PTPRN2: variants seen among roughly 807,000 people sequenced by gnomAD.
PTPRN2 encodes protein tyrosine phosphatase receptor type N2.
A neutral mutation model predicts 118.8 loss-of-function variants in PTPRN2; 74 were observed. The observed-to-expected ratio is 0.62, with a 90% CI of 0.52 to 0.76. The LOEUF is 0.76. Ranked by LOEUF, PTPRN2 falls within the 30% of genes least tolerant of loss-of-function variation. PTPRN2 has a pLI of 0.00. For missense variants in PTPRN2, 1,481 were observed against 1,394.4 expected (o/e 1.06, Z -0.99); for synonymous variants, 641 against 608.0 (o/e 1.05, Z -0.80).
intron 3 of PTPRN2, among the ~76,000 whole-genome samples, chr7:158,287,306 T>C (rs2151013879): frequency 6.6e-6 from 1 of 152,206 alleles, no homozygotes; most frequent in South Asian, 2.1e-4. Flanking sequence ...CTATTGTTTT[T>C]CTAGTTTCGA....
intron 6 of PTPRN2, among the ~76,000 whole-genome samples, chr7:158,144,254 C>T (rs1819668918): frequency 6.6e-6 from 1 of 152,158 alleles, no homozygotes; most frequent in Admixed American, 6.5e-5. Context: ...TCTGAGCCCC[C>T]CAAGGTTTAT....
At chr7:157,733,504 T>C (rs1191288321) in intron 12 of PTPRN2, among the ~76,000 whole-genome samples, 12 of 36,422 alleles carry the variant, frequency 3.3e-4, no homozygotes, top group East Asian at 6.4e-4. Context: ...TTCCGTCCCA[T>C]GCGCCCAGCA....
At chr7:158,203,550 G>A (rs1165820713) in intron 4 of PTPRN2, among the ~76,000 whole-genome samples, 6 of 151,912 alleles carry the variant, frequency 3.9e-5, no homozygotes, top group Admixed American at 6.6e-5. Context: ...TCTATGTGGC[G>A]CCCCTTTCCT....
intron 1 of PTPRN2, among the ~76,000 whole-genome samples, chr7:158,500,853 C>T (rs1267742934): frequency 1.3e-5 from 2 of 152,252 alleles, no homozygotes; most frequent in East Asian, 1.9e-4. Context: ...CTAATGCGTC[C>T]GGAGCAGGCC....
intron 5 of PTPRN2, among the ~76,000 whole-genome samples, chr7:158,176,015 C>T (rs1824170231): frequency 6.6e-6 from 1 of 151,944 alleles, no homozygotes; most frequent in East Asian, 1.9e-4. Context: ...TGCTCTCAGC[C>T]CGCCCTGCTC....
chr7:157,655,156 G>A (rs978826204), intron 14 of PTPRN2, among the ~76,000 whole-genome samples: 1 of 152,216 alleles, frequency 6.6e-6, no homozygotes, highest in African/African-American at 2.4e-5. Context: ...CCCAGGGAGT[G>A]ATGGGAAAAA....
intron 11 of PTPRN2, among the ~76,000 whole-genome samples, chr7:157,970,945 T>C (rs2128817595): frequency 6.6e-6 from 1 of 152,342 alleles, no homozygotes; most frequent in Admixed American, 6.5e-5. Context: ...TCCATCTGCC[T>C]GGCAAATCTG....
intron 11 of PTPRN2, among the ~76,000 whole-genome samples, chr7:157,982,197 C>CA (rs1422942274): frequency 8.4e-6 from 1 of 119,222 alleles, no homozygotes; most frequent in Non-Finnish European, 1.9e-5. Flanking sequence ...AGGGTCCCCC[C>CA]TAAACCCCGA....
At chr7:158,405,288 C>A (rs1037145156) in intron 2 of PTPRN2, among the ~76,000 whole-genome samples, 1 of 152,154 alleles carries the variant, frequency 6.6e-6, no homozygotes, top group Non-Finnish European at 1.5e-5. Flanking sequence ...AACACCTAGA[C>A]GAAGGTCAGG....
chr7:158,081,218 C>T, intron 11 of PTPRN2, 80 bp downstream of exon 11: 1 of 1,346,894 alleles, frequency 7.4e-7, no homozygotes, highest in Admixed American at 1.7e-5. Flanking sequence ...TCTGCCCTGG[C>T]TGTGCATGTG....
intron 12 of PTPRN2, among the ~76,000 whole-genome samples, chr7:157,753,710 G>A (rs111523209): frequency 0.024 from 3,513 of 143,608 alleles, 117 homozygotes; most frequent in African/African-American, 0.073. Context: ...CCTCCCCTCC[G>A]TTCTCTACCA....
chr7:158,319,470 A>AGCCTCCCT lies in PTPRN2; in HGVS notation c.164-2539_164-2538insAGGGAGGC, dbSNP rs1802663314. 4.8e-5 allele frequency among the ~76,000 whole-genome samples: 3 copies of AGCCTCCCT among 62,008 alleles called. 1 individual carries two copies. The highest frequency in any genetic ancestry group is 1.0e-3 in the East Asian group (2 of 1,990). The allele number at this position is 62,008 out of a possible 152,430, so 40.7% of individuals were successfully genotyped here. The stretch of plus-strand genomic sequence containing the variant: ...CACACACGCACACAGCCTCCCTCAC[A>AGCCTCCCT]CACAAGCACAGCCTCCCTCACACTC... On this transcript the variant is annotated intron_variant, in intron 2 of 22. Coordinates refer to ENST00000389418, the MANE Select transcript of PTPRN2 (RefSeq NM_002847.5).
chr7:157,788,793 G>A (rs1804245501), intron 12 of PTPRN2, among the ~76,000 whole-genome samples: 1 of 152,078 alleles, frequency 6.6e-6, no homozygotes, highest in African/African-American at 2.4e-5. Context: ...GGCTTCTGGG[G>A]CCAGCCCTCT....
In PTPRN2 at chr7:157,729,012, T is replaced by C. The variant is rs992121852; in HGVS notation, c.1789-46075A>G. ...GGGGAGTTTGGCTCACGTGATCCAG[T>C]CACACAGAGGTCGGTCGTTGTCTGG... On this transcript the variant is annotated intron_variant, in intron 12 of 22. Coordinates refer to ENST00000389418, the MANE Select transcript of PTPRN2 (RefSeq NM_002847.5). The surrounding 1 kb of genome is among the most constrained non-coding windows in gnomAD (Gnocchi z 4.3). Among the ~76,000 whole-genome samples the C allele has an allele frequency of 2.0e-5, 3 of 152,158 alleles. No individual in the cohort carries two copies. Among genetic ancestry groups the C allele is most frequent in the Non-Finnish European group, 4.4e-5 (3 of 68,008 alleles).
chr7:158,134,007 C>A lies in PTPRN2; in HGVS notation c.1226G>T (p.Arg409Leu). The change falls in exon 9 of 23, where the codon CGA (arginine) becomes CTA (leucine). Residue 409 changes from arginine (R) to leucine (L), a missense_variant. By Grantham distance (102) the Arg-to-Leu change is moderately radical. Transcript: ENST00000389418. The stretch of plus-strand genomic sequence containing the variant: ...AAAGGGGAGGGCTCCAGGTAAGAGT[C>A]GAGACCCGTGGTCCTGCAGGAGGCC... The part of the protein sequence containing the change: ...LGGLLQDHGS[R>L]LLPGALPFAR... The A allele has an allele frequency of 6.2e-7, 1 of 1,613,958 alleles. No individual in the cohort carries two copies. The highest frequency in any genetic ancestry group is 1.1e-5 in the South Asian group (1 of 91,078).
At chr7:157,682,141 AC>A (rs751776401) in intron 13 of PTPRN2, among the ~76,000 whole-genome samples, 2 of 152,194 alleles carry the variant, frequency 1.3e-5, no homozygotes, top group Non-Finnish European at 1.5e-5. Flanking sequence ...CTTGGTCTGA[AC>A]TTGCCTTCCT....
chr7:158,119,942 G>A (rs759677244), intron 9 of PTPRN2, among the ~76,000 whole-genome samples: 3 of 152,120 alleles, frequency 2.0e-5, no homozygotes, highest in Non-Finnish European at 4.4e-5. Flanking sequence ...TAAAGCATGG[G>A]GGCAACTGAA....
chr7:158,573,590 C>T (rs547056062), intron 1 of PTPRN2, among the ~76,000 whole-genome samples: 1 of 152,248 alleles, frequency 6.6e-6, no homozygotes, highest in East Asian at 1.9e-4. Context: ...GGAAGGTCAA[C>T]AGCAAGTCAC....
At chr7:157,816,109 C>T (rs754014073) in intron 12 of PTPRN2, among the ~76,000 whole-genome samples, 1 of 152,226 alleles carries the variant, frequency 6.6e-6, no homozygotes, top group Non-Finnish European at 1.5e-5. Context: ...CTTCTCCACC[C>T]TTGTTCACAG....
Sources: allele counts gnomAD v4.1 joint callset (sites outside exome capture counted in the v4.1 genomes callset), GRCh38; gene constraint gnomAD v4.1.1; non-coding constraint Gnocchi (gnomAD v3.1); transcripts MANE v1.5; gene names NCBI Gene and HGNC (gene_info 2026-07-23, HGNC 2026-07-21).